The following KIF26B variants were observed in gnomAD, a reference collection of about 807,000 sequenced individuals.
KIF26B encodes kinesin-like protein KIF26B.
Under a neutral mutation model 151.2 loss-of-function variants are expected in KIF26B, and 63 were observed. The ratio of observed to expected loss-of-function variants is 0.42; its 90% CI spans 0.34 to 0.51. The LOEUF (loss-of-function observed/expected upper bound fraction) is 0.51. Ranked by LOEUF, KIF26B falls within the 20% of genes least tolerant of loss-of-function variation. KIF26B has a pLI of 0.07. For missense variants in KIF26B, 2,813 were observed against 2,913.6 expected, an observed-to-expected ratio of 0.97 and a Z score of 0.79; for synonymous variants, 1,357 against 1,262.1, an observed-to-expected ratio of 1.08 and a Z score of -1.59.
At chr1:245,394,531 G>T (rs971686701) in intron 3 of KIF26B, among the ~76,000 whole-genome samples, 1 of 152,054 alleles carries the variant, frequency 6.6e-6, no homozygotes, top group Non-Finnish European at 1.5e-5. Flanking sequence ...GCTGAGGCAG[G>T]AGAATTGCTT....
At chr1:245,640,143 C>CTCTCTCTCTCTCTATATATA in intron 9 of KIF26B, among the ~76,000 whole-genome samples, 3 of 31,924 alleles carry the variant, frequency 9.4e-5, no homozygotes, top group African/African-American at 2.8e-4. Flanking sequence ...CTCTCTCTCT[C>CTCTCTCTCTCTCTATATATA]TATATATATA....
chr1:245,250,435 C>T lies in KIF26B; in HGVS notation c.465+93752C>T, dbSNP rs6656741. Among the ~76,000 whole-genome samples the T allele has an allele frequency of 5.4e-3, 817 of 152,228 alleles. 9 individuals carry two copies. The highest frequency in any genetic ancestry group is 0.018 in the African/African-American group (750 of 41,532). On this transcript the variant is annotated intron_variant, in intron 2 of 14. Transcript: ENST00000407071. Reference sequence around the variant, plus strand: ...TACCTTGATTTACTTAGCTTTTCTTCCTGTGATGGACACTGTTACAAGCGG... The same window carrying T: ...TACCTTGATTTACTTAGCTTTTCTTTCTGTGATGGACACTGTTACAAGCGG...
At chr1:245,642,594 G>A (rs1206636277) in intron 9 of KIF26B, among the ~76,000 whole-genome samples, 3 of 149,766 alleles carry the variant, frequency 2.0e-5, no homozygotes, top group Admixed American at 1.3e-4. Context: ...AAAAAATGGA[G>A]GCTGGCATAC....
Position 245,242,241 on chromosome 1 carries a change from A to C in KIF26B, c.465+85558A>C, listed in dbSNP as rs564021432. ...CCCTGTCTCTATGCCTTCCCCCCCC[A>C]AAATAGGGAACATATTGAATGTCCG... On this transcript the variant is annotated intron_variant, in intron 2 of 14. Coordinates refer to ENST00000407071, the MANE Select transcript of KIF26B (RefSeq NM_018012.4). 2.0e-5 allele frequency among the ~76,000 whole-genome samples: 3 copies of C among 152,248 alleles called. No individual in the cohort carries two copies. The East Asian group carries it at 5.8e-4, about 29-fold the overall frequency.
intron 9 of KIF26B, among the ~76,000 whole-genome samples, chr1:245,640,556 T>G (rs746938989): frequency 1.3e-5 from 2 of 152,100 alleles, no homozygotes; most frequent in African/African-American, 2.4e-5. Flanking sequence ...GCCATTTTAT[T>G]ACTTATTTTC....
At chr1:245,263,792 T>A (rs1558366916) in intron 2 of KIF26B, among the ~76,000 whole-genome samples, 1 of 152,224 alleles carries the variant, frequency 6.6e-6, no homozygotes, top group Non-Finnish European at 1.5e-5. Context: ...AAAATGCATT[T>A]TGACAAGAAG....
chr1:245,203,431 C>T (rs1290448175), intron 2 of KIF26B, among the ~76,000 whole-genome samples: 1 of 152,112 alleles, frequency 6.6e-6, no homozygotes, highest in Non-Finnish European at 1.5e-5. Context: ...TTTCATTCAA[C>T]AGATATCTGT....
chr1:245,636,904 A>C (rs997271046), intron 9 of KIF26B, among the ~76,000 whole-genome samples: 6 of 150,142 alleles, frequency 4.0e-5, no homozygotes, highest in African/African-American at 1.5e-4. Flanking sequence ...CATTTTCTTT[A>C]TTAATTTACC....
At chr1:245,254,057 G>C (rs571165827) in intron 2 of KIF26B, among the ~76,000 whole-genome samples, 1 of 151,946 alleles carries the variant, frequency 6.6e-6, no homozygotes, top group Non-Finnish European at 1.5e-5. Flanking sequence ...TAATTTGCCC[G>C]CCTCGGCCTC....
chr1:245,397,291 C>T (rs941223568), intron 3 of KIF26B, among the ~76,000 whole-genome samples: 2 of 151,778 alleles, frequency 1.3e-5, no homozygotes, highest in African/African-American at 4.8e-5. Context: ...TCCCAGTTTA[C>T]CGCATCCTCC....
At chr1:245,302,770 C>A (rs1483309368) in intron 2 of KIF26B, among the ~76,000 whole-genome samples, 3 of 151,922 alleles carry the variant, frequency 2.0e-5, no homozygotes, top group African/African-American at 7.3e-5. Flanking sequence ...GTGGGCGGAC[C>A]AAGAGGTCAG....
chr1:245,409,854 G>A (rs937903009), intron 3 of KIF26B, among the ~76,000 whole-genome samples: 1 of 152,204 alleles, frequency 6.6e-6, no homozygotes, highest in African/African-American at 2.4e-5. Context: ...AGCTTGGGCA[G>A]TAACTGCTGT....
rs964324100 is a variant in KIF26B at position 245,436,449 on chromosome 1, C to T, written c.1166+16704C>T. On this transcript the variant is annotated intron_variant, in intron 4 of 14. Coordinates refer to ENST00000407071, the MANE Select transcript of KIF26B (RefSeq NM_018012.4). ...CAGGTTCAGAGAAGTAACTGCCCAC[C>T]GTCCTCCCCACTGTGGTGTGCAAAG... is the stretch of plus-strand genomic sequence containing the variant. 7.9e-5 allele frequency among the ~76,000 whole-genome samples: 12 copies of T among 152,246 alleles called. 1 individual carries two copies. The highest frequency in any genetic ancestry group is 6.8e-3 in the Middle Eastern group (2 of 294).
At chr1:245,327,152 C>T (rs1045919221) in intron 2 of KIF26B, among the ~76,000 whole-genome samples, 1 of 152,164 alleles carries the variant, frequency 6.6e-6, no homozygotes, top group African/African-American at 2.4e-5. Flanking sequence ...GGCGCCCCTC[C>T]TATGGCTTTG....
chr1:245,238,799 T>G (rs1292528766), intron 2 of KIF26B, among the ~76,000 whole-genome samples: 1 of 151,762 alleles, frequency 6.6e-6, no homozygotes, highest in Non-Finnish European at 1.5e-5. Context: ...GAGGCGGAGG[T>G]TGCAGTGAGC....
At chr1:245,201,304 C>T (rs1262920141) in intron 2 of KIF26B, among the ~76,000 whole-genome samples, 1 of 152,168 alleles carries the variant, frequency 6.6e-6, no homozygotes, top group Non-Finnish European at 1.5e-5. Context: ...TGATATTATG[C>T]TTGAAATAAA....
At chr1:245,263,637 A>C (rs925180296) in intron 2 of KIF26B, among the ~76,000 whole-genome samples, 1 of 152,208 alleles carries the variant, frequency 6.6e-6, no homozygotes, top group Non-Finnish European at 1.5e-5. Flanking sequence ...TAATTGGTCT[A>C]GGAGCTTATA....
chr1:245,193,689 G>A (rs974253636), intron 2 of KIF26B, among the ~76,000 whole-genome samples: 10 of 152,218 alleles, frequency 6.6e-5, no homozygotes, highest in African/African-American at 2.4e-4. Context: ...CAGTTTTACA[G>A]ATGAGAAAAC....
intron 2 of KIF26B, among the ~76,000 whole-genome samples, chr1:245,202,898 A>T (rs968366039): frequency 6.7e-6 from 1 of 150,166 alleles, no homozygotes; most frequent in Non-Finnish European, 1.5e-5. Flanking sequence ...CCGAGATCCC[A>T]CTACTGCACT....
Sources: allele counts gnomAD v4.1 joint callset (sites outside exome capture counted in the v4.1 genomes callset), GRCh38; gene constraint gnomAD v4.1.1; transcripts MANE v1.5; gene names NCBI Gene and HGNC (gene_info 2026-07-23, HGNC 2026-07-21).